Variants in PTCSC3 observed in about 807,000 individuals in gnomAD.
PTCSC3 encodes the protein papillary thyroid carcinoma susceptibility candidate 3 (non-protein coding).
In PTCSC3 at chr14:36,147,474, A is replaced by C. The variant is rs1011477615; in HGVS notation, n.322+6330T>G. ...TCGCATCGGCTCCTGAGGCTTCTGC[A>C]TTCTTCACGTTGTTCTTGAGCCTTG... On this transcript the variant is annotated intron_variant and non_coding_transcript_variant, in intron 3 of 3. Coordinates refer to ENST00000556013, the Ensembl canonical transcript of PTCSC3. Among the ~76,000 whole-genome samples, 3 of 152,180 alleles carry C rather than the reference A, an allele frequency of 2.0e-5. 1 individual carries two copies.
At chr14:36,137,843 G>T (rs61995158) in intron 3 of PTCSC3, among the ~76,000 whole-genome samples, 16,211 of 152,194 alleles carry the variant, frequency 0.11, 1,018 homozygotes, top group Middle Eastern at 0.2. Context: ...GTTTATTGGT[G>T]AGACATGCAA....
At chr14:36,172,329 T>G (rs2139114496) in intron 1 of PTCSC3, among the ~76,000 whole-genome samples, 1 of 152,304 alleles carries the variant, frequency 6.6e-6, no homozygotes, top group African/African-American at 2.4e-5. Flanking sequence ...GATTTTAATT[T>G]TGATCTTTAG....
chr14:36,162,273 A>C (rs1018046852), intron 2 of PTCSC3, among the ~76,000 whole-genome samples: 6 of 147,902 alleles, frequency 4.1e-5, no homozygotes, highest in South Asian at 2.2e-4. Context: ...AAAAAAAAAA[A>C]AAAAAAAAAA....
At chr14:36,151,815 A>G (rs1881730608) in intron 3 of PTCSC3, among the ~76,000 whole-genome samples, 1 of 152,216 alleles carries the variant, frequency 6.6e-6, no homozygotes, top group Non-Finnish European at 1.5e-5. Context: ...TGCTCTGGGC[A>G]TATTTCAAAA....
At chr14:36,150,661 C>G (rs1319973111) in intron 3 of PTCSC3, among the ~76,000 whole-genome samples, 1 of 152,088 alleles carries the variant, frequency 6.6e-6, no homozygotes, top group Non-Finnish European at 1.5e-5. Flanking sequence ...TTATATGATT[C>G]CATTTTCCCT....
At chr14:36,141,444 C>T (rs1272570489) in intron 3 of PTCSC3, among the ~76,000 whole-genome samples, 2 of 151,656 alleles carry the variant, frequency 1.3e-5, no homozygotes, top group Non-Finnish European at 2.9e-5. Flanking sequence ...TATATTTTGT[C>T]AGATATATAG....
At chr14:36,166,984 C>G (rs556707267) in intron 1 of PTCSC3, among the ~76,000 whole-genome samples, 1 of 152,272 alleles carries the variant, frequency 6.6e-6, no homozygotes, top group South Asian at 2.1e-4. Flanking sequence ...TTCAGACACT[C>G]TAGCCATGAA....
chr14:36,168,759 G>A (rs934074), intron 1 of PTCSC3, among the ~76,000 whole-genome samples: 477 of 152,144 alleles, frequency 3.1e-3, no homozygotes, highest in Non-Finnish European at 5.4e-3. Context: ...GGAACTGCAA[G>A]TACCTGACAC....
At chr14:36,156,963 G>C (rs1005964959) in intron 2 of PTCSC3, among the ~76,000 whole-genome samples, 1 of 152,094 alleles carries the variant, frequency 6.6e-6, no homozygotes, top group African/African-American at 2.4e-5. Flanking sequence ...GGTATTTCTG[G>C]TTCTAGCTCC....
intron 3 of PTCSC3, among the ~76,000 whole-genome samples, chr14:36,152,911 G>A (rs942463147): frequency 6.7e-6 from 1 of 148,480 alleles, no homozygotes; most frequent in Admixed American, 6.7e-5. Flanking sequence ...AAAAAAAAAA[G>A]AAAGAAAGAA....
At chr14:36,141,183 G>A (rs1881411446) in intron 3 of PTCSC3, among the ~76,000 whole-genome samples, 1 of 151,012 alleles carries the variant, frequency 6.6e-6, no homozygotes, top group African/African-American at 2.5e-5. Flanking sequence ...TTTTCAGATT[G>A]TTTTTATTCT....
chr14:36,152,170 T>C (rs1281363652), intron 3 of PTCSC3, among the ~76,000 whole-genome samples: 8 of 152,132 alleles, frequency 5.3e-5, no homozygotes, highest in Admixed American at 6.6e-5. Context: ...ATTTCTACAA[T>C]ATTACATACA....
At chr14:36,151,935 T>C (rs895675627) in intron 3 of PTCSC3, among the ~76,000 whole-genome samples, 3 of 152,222 alleles carry the variant, frequency 2.0e-5, no homozygotes, top group African/African-American at 7.2e-5. Context: ...GGTGGGTCTT[T>C]TGGAGGGAAA....
intron 1 of PTCSC3, among the ~76,000 whole-genome samples, chr14:36,170,704 T>G (rs964244173): frequency 6.6e-6 from 1 of 152,100 alleles, no homozygotes. Flanking sequence ...ACTCAAAAAT[T>G]TTTTTAACAC....
chr14:36,151,073 T>G (rs1387767124), intron 3 of PTCSC3, among the ~76,000 whole-genome samples: 1 of 152,212 alleles, frequency 6.6e-6, no homozygotes, highest in Non-Finnish European at 1.5e-5. Flanking sequence ...AATCTATTGC[T>G]GACAAATTTC....
At chr14:36,149,856 G>A (rs534608304) in intron 3 of PTCSC3, among the ~76,000 whole-genome samples, 30 of 152,018 alleles carry the variant, frequency 2.0e-4, no homozygotes, top group Non-Finnish European at 3.2e-4. Context: ...CACAAGCTGT[G>A]TATCCCTTAT....
intron 3 of PTCSC3, among the ~76,000 whole-genome samples, chr14:36,152,881 G>A (rs1337415709): frequency 1.3e-5 from 2 of 149,130 alleles, no homozygotes; most frequent in East Asian, 2.0e-4. Flanking sequence ...GCAACAGAGC[G>A]AGACTCCATC....
intron 1 of PTCSC3, chr14:36,165,206 T>C (rs1040890405): frequency 1.3e-5 from 2 of 152,128 alleles, no homozygotes; most frequent in Non-Finnish European, 2.9e-5. Context: ...GTGTGAGCAG[T>C]AGATAGAGCA....
intron 3 of PTCSC3, among the ~76,000 whole-genome samples, chr14:36,146,266 T>A (rs1035710333): frequency 4.7e-5 from 7 of 148,134 alleles, no homozygotes; most frequent in South Asian, 2.3e-4. Flanking sequence ...GTGGGGTGTT[T>A]AAGTCTCCCA....
Sources: allele counts gnomAD v4.1 joint callset (sites outside exome capture counted in the v4.1 genomes callset), GRCh38; gene constraint gnomAD v4.1.1; transcripts MANE v1.5; gene names NCBI Gene and HGNC (gene_info 2026-07-23, HGNC 2026-07-21).